The following GPHN variants were observed in gnomAD, a reference collection of about 807,000 sequenced individuals.
GPHN encodes gephyrin.
In GPHN, 17 loss-of-function variants were observed where a neutral mutation model predicts 95.5. The observed-to-expected ratio is 0.18, with a 90% CI of 0.12 to 0.27. The LOEUF is 0.27. Among genes scored for constraint, GPHN ranks in the 10% least tolerant of loss-of-function variants. The probability of loss-of-function intolerance (pLI) is 1.00; values close to 1 mark genes in which losing one functional copy is unlikely to be tolerated. For missense variants in GPHN, 660 were observed against 978.1 expected (o/e 0.67, Z 4.34); for synonymous variants, 320 against 322.5 (o/e 0.99, Z 0.08).
intron 4 of GPHN, 100 bp downstream of exon 4, chr14:66,824,666 C>T: frequency 3.1e-6 from 2 of 644,014 alleles, no homozygotes; most frequent in Middle Eastern, 3.9e-4. Context: ...CTTTGCTAGG[C>T]ATAACAAATG....
chr14:67,373,842 A>T, the GPHN span, among the ~76,000 whole-genome samples: 3 of 145,686 alleles, frequency 2.1e-5, no homozygotes, highest in Non-Finnish European at 4.6e-5. Flanking sequence ...TAATTTGTTC[A>T]GTGTGTGTGT....
chr14:66,515,162 A>G (rs984901038), intron 1 of GPHN, among the ~76,000 whole-genome samples: 2 of 152,132 alleles, frequency 1.3e-5, no homozygotes, highest in African/African-American at 2.4e-5. Flanking sequence ...TCGTGTATAC[A>G]TGTCTTATTC....
the GPHN span, chr14:67,615,637 A>G: frequency 1.8e-6 from 1 of 551,492 alleles, no homozygotes; most frequent in Non-Finnish European, 3.5e-6. Context: ...GGGGAAGACC[A>G]TGTCTGCTAA....
At chr14:66,661,858 G>A (rs1030896874) in intron 1 of GPHN, among the ~76,000 whole-genome samples, 5 of 152,168 alleles carry the variant, frequency 3.3e-5, no homozygotes, top group African/African-American at 4.8e-5. Context: ...CGCCCACCAG[G>A]GCAGAAGCAG....
chr14:67,669,450 T>G, the GPHN span, among the ~76,000 whole-genome samples: 1 of 149,998 alleles, frequency 6.7e-6, no homozygotes, highest in Admixed American at 6.6e-5. Context: ...TTTTTTTTTG[T>G]AGAGATAGGT....
intron 3 of GPHN, among the ~76,000 whole-genome samples, chr14:66,812,720 A>G (rs1477604937): frequency 6.6e-6 from 1 of 152,228 alleles, no homozygotes; most frequent in Non-Finnish European, 1.5e-5. Flanking sequence ...TAGCATCATT[A>G]AATAAAACTA....
rs547949640 is a variant in GPHN at position 66,641,313 on chromosome 14, C to G, written c.65-39794C>G. On this transcript the variant is annotated intron_variant, in intron 1 of 22. Transcript: ENST00000478722. ...CAGTAGCAGCAAGCTGCAGTTTCCACTCAGCCAAGCAGTCATGAGGGTAAA... is the reference window on the plus strand; with the variant it reads ...CAGTAGCAGCAAGCTGCAGTTTCCAGTCAGCCAAGCAGTCATGAGGGTAAA... Among the ~76,000 whole-genome samples the G allele has an allele frequency of 1.2e-4, 18 of 152,304 alleles. No homozygotes were observed. The South Asian group carries it at 2.7e-3, about 23-fold the overall frequency.
intron 2 of GPHN, among the ~76,000 whole-genome samples, chr14:66,758,912 A>C (rs947822706): frequency 1.3e-5 from 2 of 152,230 alleles, no homozygotes; most frequent in African/African-American, 4.8e-5. Flanking sequence ...CTTAAAAACA[A>C]ATAATGAGAT....
chr14:67,136,849 AAATG>A (rs938325006), intron 17 of GPHN, among the ~76,000 whole-genome samples: 1 of 152,180 alleles, frequency 6.6e-6, no homozygotes, highest in Non-Finnish European at 1.5e-5. Flanking sequence ...ATTCAAATGA[AAATG>A]AATGGGAAGT....
chr14:67,283,436 G>C, the GPHN span, among the ~76,000 whole-genome samples: 1 of 152,144 alleles, frequency 6.6e-6, no homozygotes, highest in African/African-American at 2.4e-5. Context: ...TTGGCTTTAA[G>C]ATAAAGTTTA....
At chr14:66,544,578 C>CT (rs202211510) in intron 1 of GPHN, among the ~76,000 whole-genome samples, 139 of 141,646 alleles carry the variant, frequency 9.8e-4, no homozygotes, top group Middle Eastern at 3.8e-3. Context: ...TTCTTTTTTT[C>CT]TTTTTTTTTT....
chr14:66,967,642 C>CA lies in GPHN; in HGVS notation c.963+2318dup, dbSNP rs569495839. ...CATTTCCTTTGTGCTAAAAAAGTCT[C>CA]AGATTTCAGATTTTCAGATAGGGAT... On this transcript the variant is annotated intron_variant, in intron 9 of 22. Coordinates refer to ENST00000478722, the MANE Select transcript of GPHN (RefSeq NM_020806.5). 3.3e-3 allele frequency among the ~76,000 whole-genome samples: 509 copies of CA among 151,994 alleles called. 1 individual carries two copies. The highest frequency in any genetic ancestry group is 6.0e-3 in the Non-Finnish European group (409 of 67,844).
intron 4 of GPHN, among the ~76,000 whole-genome samples, chr14:66,843,135 T>G (rs918328992): frequency 6.6e-6 from 1 of 152,076 alleles, no homozygotes; most frequent in African/African-American, 2.4e-5. Context: ...TTGCCTTTGG[T>G]TTTTGTCTCT....
intron 18 of GPHN, among the ~76,000 whole-genome samples, chr14:67,159,127 G>A (rs996162015): frequency 6.6e-6 from 1 of 152,078 alleles, no homozygotes; most frequent in Non-Finnish European, 1.5e-5. Context: ...TCTCCTACTA[G>A]AATGTACTTT....
the GPHN span, chr14:67,301,329 A>G: frequency 9.6e-7 from 1 of 1,036,546 alleles, no homozygotes; most frequent in Non-Finnish European, 1.4e-6. Context: ...GACCCTGCAT[A>G]CAGGTGCTAC....
rs532081843 is a variant in GPHN, at chr14:66,891,760, A to T, written c.389+11727A>T. ...CAAGGTATTAATATTCTATATATAT[A>T]TATTTTTTTTAATTCCTACAAGTCA... On this transcript the variant is annotated intron_variant, in intron 5 of 22. Transcript: ENST00000478722. 4.0e-4 allele frequency among the ~76,000 whole-genome samples: 60 copies of T among 150,676 alleles called. No individual in the cohort carries two copies. The East Asian group carries it at 5.7e-3, about 14-fold the overall frequency.
intron 8 of GPHN, among the ~76,000 whole-genome samples, chr14:66,956,664 T>C (rs1291797159): frequency 6.6e-6 from 1 of 152,046 alleles, no homozygotes; most frequent in Non-Finnish European, 1.5e-5. Flanking sequence ...CATGTGTTTT[T>C]TGGCTGCATA....
At chr14:67,114,561 A>G (rs1009252743) in intron 16 of GPHN, among the ~76,000 whole-genome samples, 7 of 152,138 alleles carry the variant, frequency 4.6e-5, no homozygotes, top group Admixed American at 3.3e-4. Context: ...ATGGTAGCAC[A>G]TGCCTATAGT....
At chr14:66,952,153 G>A (rs942678793) in intron 8 of GPHN, among the ~76,000 whole-genome samples, 3 of 151,780 alleles carry the variant, frequency 2.0e-5, no homozygotes, top group Non-Finnish European at 4.4e-5. Context: ...TATCACCACC[G>A]CTCCCAAAAA....
Sources: allele counts gnomAD v4.1 joint callset (sites outside exome capture counted in the v4.1 genomes callset), GRCh38; gene constraint gnomAD v4.1.1; transcripts MANE v1.5; gene names NCBI Gene and HGNC (gene_info 2026-07-23, HGNC 2026-07-21).